Variants in FANCA observed in about 807,000 individuals in gnomAD.
FANCA encodes the protein Fanconi anemia group A protein.
A neutral mutation model predicts 194.3 loss-of-function variants in FANCA; 236 were observed. That is an observed-to-expected ratio of 1.21 (90% CI 1.09 to 1.35). The LOEUF is 1.35. Among genes scored for constraint, FANCA ranks in the 40% most tolerant of loss-of-function variants. FANCA has a pLI of 0.00. For synonymous variants in FANCA, 1,014 were observed against 715.8 expected, an observed-to-expected ratio of 1.42 and a Z score of -6.65; for missense variants, 2,628 against 1,813.9, an observed-to-expected ratio of 1.45 and a Z score of -8.15.
rs1429943036 is a variant in FANCA, at chr16:89,749,805, C to A, written c.3164G>T (p.Arg1055Leu). ...EHFLFEIFRR[R>L]LQALTSGWSV... is the part of the protein sequence containing the mutation. ...CCACCCGCTTGTCAGAGCCTGGAGC[C>A]GTCTGCGGAAAATCTCAAAGAGGAA... Residue 1055 changes from arginine (R) to leucine (L), a missense_variant, in exon 32 of 43, where the codon CGG becomes CTG. Physicochemically the swap from Arg to Leu is moderately radical, Grantham distance 102. Coordinates refer to ENST00000389301, the MANE Select transcript of FANCA (RefSeq NM_000135.4). The A allele has an allele frequency of 6.2e-7, 1 of 1,614,066 alleles. No individual in the cohort carries two copies. Among genetic ancestry groups the A allele is most frequent in the African/African-American group, 1.3e-5 (1 of 74,914 alleles).
intron 38 of FANCA, chr16:89,740,491 C>T (rs17233734): frequency 3.0e-5 from 14 of 470,414 alleles, no homozygotes; most frequent in Non-Finnish European, 4.6e-5. Flanking sequence ...AAAAATTAGC[C>T]GGGTGTGACA....
At chr16:89,809,559 C>T (rs1179946962) in intron 5 of FANCA, among the ~76,000 whole-genome samples, 1 of 151,746 alleles carries the variant, frequency 6.6e-6, no homozygotes, top group Admixed American at 6.6e-5. Flanking sequence ...ACTAAAGATA[C>T]AAAAATTGGG....
chr16:89,781,057 A>C (rs2039682140), intron 17 of FANCA, among the ~76,000 whole-genome samples: 1 of 152,190 alleles, frequency 6.6e-6, no homozygotes, highest in African/African-American at 2.4e-5. Context: ...TTAAAATAAA[A>C]AGGTCTTAAA....
Position 89,808,283 on chromosome 16 carries a change from T to C in FANCA, c.596+11A>G. ...AAAAACAGTAACACTGAATCATCAT[T>C]AGCACGCTACCTTTCCAGCAGCTCT... On this transcript the variant is annotated intron_variant, in intron 6 of 42. Transcript: ENST00000389301. The C allele has an allele frequency of 6.2e-7, 1 of 1,613,036 alleles. No individual in the cohort carries two copies. Among genetic ancestry groups the C allele is most frequent in the Non-Finnish European group, 8.5e-7 (1 of 1,179,018 alleles).
At chr16:89,803,380 T>A (rs913140138) in intron 7 of FANCA, 39 bp from the exon 8 acceptor site, 1 of 1,574,134 alleles carries the variant, frequency 6.4e-7, no homozygotes, top group African/African-American at 1.3e-5. Flanking sequence ...ATGGACATCA[T>A]GGTCTCCAAG....
At chr16:89,782,046 A>G (rs913633794) in intron 17 of FANCA, among the ~76,000 whole-genome samples, 1 of 151,928 alleles carries the variant, frequency 6.6e-6, no homozygotes, top group African/African-American at 2.4e-5. Context: ...ACCCACACAT[A>G]TCACATGACC....
chr16:89,791,821 A>G, intron 13 of FANCA, 106 bp downstream of exon 13: 1 of 1,430,922 alleles, frequency 7.0e-7, no homozygotes, highest in Non-Finnish European at 9.8e-7. Context: ...CCGGGCAGGT[A>G]GGGAAGGGCT....
intron 8 of FANCA, among the ~76,000 whole-genome samples, chr16:89,799,961 T>C (rs2040387957): frequency 6.6e-6 from 1 of 152,082 alleles, no homozygotes; most frequent in Non-Finnish European, 1.5e-5. Context: ...GCCACTGCAG[T>C]CCGGCCCGGG....
At position 89,775,777 on chromosome 16, in the gene FANCA, C is replaced by T. The variant is rs2143393085; in HGVS notation, c.1865G>A (p.Cys622Tyr). ...CTCTTCAGCAGCAGAGCAGGCCTGGCAGTAGGTGGAGTACAGAGATGGGGG... is the reference window on the plus strand; with the variant it reads ...CTCTTCAGCAGCAGAGCAGGCCTGGTAGTAGGTGGAGTACAGAGATGGGGG... ...KIPPSLYSTY[C>Y]QACSAAEEKP... The change falls in exon 21 of 43, where the codon TGC becomes TAC. Residue 622 changes from cysteine (C) to tyrosine (Y), a missense_variant. Physicochemically the swap from Cys to Tyr is radical, Grantham distance 194. Transcript: ENST00000389301. 1 of 1,612,802 alleles carries T rather than the reference C, an allele frequency of 6.2e-7. No homozygotes were observed. The highest frequency in any genetic ancestry group is 8.5e-7 in the Non-Finnish European group (1 of 1,179,406).
chr16:89,777,752 A>G lies in FANCA; in HGVS notation c.1826+1049T>C, dbSNP rs1598124828. ...CAAGGATACCTTATTATTCTAAACA[A>G]TAACTTCCAGGTCTACTCTCAAGTT... On this transcript the variant is annotated intron_variant, in intron 20 of 42. Transcript: ENST00000389301. 2.0e-5 allele frequency among the ~76,000 whole-genome samples: 3 copies of G among 152,254 alleles called. 1 individual carries two copies. Among genetic ancestry groups the G allele is most frequent in the Admixed American group, 6.5e-5 (1 of 15,292 alleles).
chr16:89,798,298 C>T (rs762686497), intron 10 of FANCA: 50 of 990,380 alleles, frequency 5.0e-5, no homozygotes, highest in South Asian at 1.9e-4. Flanking sequence ...CCGTCCACAC[C>T]GCAGTCTCTG....
intron 33 of FANCA, 136 bp from the exon 34 acceptor site, chr16:89,747,026 C>T (rs1400552186): frequency 3.5e-6 from 3 of 850,530 alleles, no homozygotes; most frequent in Non-Finnish European, 5.7e-6. Context: ...GATGGTGCTC[C>T]TGGGCTGACC....
At chr16:89,814,370 C>T in intron 3 of FANCA, 150 bp downstream of exon 3, 1 of 603,740 alleles carries the variant, frequency 1.7e-6, no homozygotes, top group Non-Finnish European at 2.9e-6. Context: ...GAGCAAGTCA[C>T]ACAAACATCC....
chr16:89,755,154 G>C (rs1290026850), intron 30 of FANCA, among the ~76,000 whole-genome samples: 1 of 151,992 alleles, frequency 6.6e-6, no homozygotes, highest in Non-Finnish European at 1.5e-5. Context: ...AACAAATGGT[G>C]CTGGGACAAC....
At chr16:89,815,236 C>T (rs1362778184) in intron 2 of FANCA, among the ~76,000 whole-genome samples, 2 of 151,418 alleles carry the variant, frequency 1.3e-5, no homozygotes, top group Non-Finnish European at 2.9e-5. Context: ...GGGGTTTCAC[C>T]ATGTTGGTCA....
At chr16:89,744,885 G>A (rs1035055943) in intron 36 of FANCA, 74 bp downstream of exon 36, 1 of 1,356,520 alleles carries the variant, frequency 7.4e-7, no homozygotes, top group Non-Finnish European at 1.0e-6. Flanking sequence ...AAGCCAGGGT[G>A]TTTAGGAGAT....
intron 32 of FANCA, 86 bp from the exon 33 acceptor site, chr16:89,748,853 A>T: frequency 8.9e-7 from 1 of 1,119,402 alleles, no homozygotes; most frequent in South Asian, 1.3e-5. Context: ...AGCAGCAACC[A>T]CCACCCTGAA....
Position 89,773,255 on chromosome 16 carries a change from T to TCC in FANCA, c.2014+14_2014+15dup, listed in dbSNP as rs772053065. Reference sequence around the variant, plus strand: ...TGCACACATGAGACACAGCATGAGCTCCCATCCATCCTCACCATCACGCTG... The same window carrying TCC: ...TGCACACATGAGACACAGCATGAGCTCCCCCATCCATCCTCACCATCACGCTG... On this transcript the variant is annotated intron_variant, in intron 22 of 42. Transcript: ENST00000389301. The TCC allele has an allele frequency of 3.9e-6, 6 of 1,534,020 alleles. No homozygotes were observed. In the South Asian group the frequency reaches 7.2e-5, roughly 18 times the overall value.
chr16:89,800,958 G>A (rs370354463), intron 8 of FANCA, among the ~76,000 whole-genome samples: 14 of 150,406 alleles, frequency 9.3e-5, no homozygotes, highest in South Asian at 4.2e-4. Context: ...GCTTGAACCC[G>A]GTAGGCGGAG....
Sources: allele counts gnomAD v4.1 joint callset (sites outside exome capture counted in the v4.1 genomes callset), GRCh38; gene constraint gnomAD v4.1.1; transcripts MANE v1.5; gene names NCBI Gene and HGNC (gene_info 2026-07-23, HGNC 2026-07-21).